CHORDC1: variants seen among roughly 807,000 people sequenced by gnomAD.
CHORDC1 encodes cysteine and histidine rich domain containing 1.
In CHORDC1, 25 loss-of-function variants were observed where a neutral mutation model predicts 48.3. The observed-to-expected ratio is 0.52, with a 90% CI of 0.38 to 0.72. The LOEUF (loss-of-function observed/expected upper bound fraction) is 0.72. CHORDC1 is among the 30% of genes least tolerant of loss of function. CHORDC1 has a pLI of 0.00. For synonymous variants in CHORDC1, 128 were observed against 126.4 expected (o/e 1.01, Z -0.09); for missense variants, 317 against 388.7 (o/e 0.82, Z 1.55).
At chr11:90,219,068 C>G (rs749432342) in intron 1 of CHORDC1, among the ~76,000 whole-genome samples, 1 of 151,938 alleles carries the variant, frequency 6.6e-6, no homozygotes, top group Non-Finnish European at 1.5e-5. Context: ...GAGTACGAGA[C>G]CAGCCTAACC....
At chr11:90,204,462 T>A (rs1857617419) in intron 8 of CHORDC1, among the ~76,000 whole-genome samples, 1 of 152,192 alleles carries the variant, frequency 6.6e-6, no homozygotes. Flanking sequence ...GGCTCACGCC[T>A]ATAATCCCAG....
Position 90,223,043 on chromosome 11 carries a change from G to A in CHORDC1, c.-89C>T, listed in dbSNP as rs1046739472. 3 of 1,137,858 alleles carry A rather than the reference G, an allele frequency of 2.6e-6. No individual in the cohort carries two copies. The highest frequency in any genetic ancestry group is 1.6e-5 in the African/African-American group (1 of 64,024). The allele number at this position is 1,137,858 out of a possible 1,614,324, so 70.5% of individuals were successfully genotyped here. A position where few individuals can be genotyped will look rare whatever the true frequency, so the allele number is the denominator to read the frequency against. On this transcript the variant is annotated 5_prime_UTR_variant, in exon 1 of 11. Coordinates refer to ENST00000320585, the MANE Select transcript of CHORDC1 (RefSeq NM_012124.3). The stretch of plus-strand genomic sequence containing the variant: ...ACTCCCGTGTCGCTAGCACCGGTCT[G>A]ACGACTGAGGCGGCTACCGGCTTCC...
At chr11:90,215,516 C>CTT (rs150851038) in intron 2 of CHORDC1, among the ~76,000 whole-genome samples, 1 of 150,562 alleles carries the variant, frequency 6.6e-6, no homozygotes, top group African/African-American at 2.4e-5. Context: ...ATCGTGTCTG[C>CTT]TTTTTTTTTA....
intron 6 of CHORDC1, chr11:90,206,924 T>C: frequency 2.4e-6 from 1 of 416,984 alleles, no homozygotes; most frequent in African/African-American, 2.1e-5. Flanking sequence ...AATTCTGTGT[T>C]TATCTTTTAT....
At chr11:90,217,398 G>T (rs1858041007) in intron 2 of CHORDC1, among the ~76,000 whole-genome samples, 1 of 152,048 alleles carries the variant, frequency 6.6e-6, no homozygotes, top group Non-Finnish European at 1.5e-5. Context: ...TTAAAAAGAT[G>T]ACCAGCAAAA....
Position 90,201,573 on chromosome 11 carries a change from AG to A in CHORDC1, c.*831del, listed in dbSNP as rs1857544660. 1 of 152,398 alleles carries A rather than the reference AG, an allele frequency of 6.6e-6. No homozygotes were observed. The highest frequency in any genetic ancestry group is 1.5e-5 in the Non-Finnish European group (1 of 67,864). The allele number at this position is 152,398 out of a possible 1,614,324, so 9.4% of individuals were successfully genotyped here. On this transcript the variant is annotated 3_prime_UTR_variant, in exon 11 of 11. Coordinates refer to ENST00000320585, the MANE Select transcript of CHORDC1 (RefSeq NM_012124.3). ...CTACAATTTTATATAGTTTTCCATC[AG>A]GGAGGCAAGATATATATAATTTCTT... is the stretch of plus-strand genomic sequence containing the variant.
intron 6 of CHORDC1, chr11:90,209,573 A>G (rs562224233): frequency 5.3e-5 from 8 of 152,320 alleles, no homozygotes; most frequent in African/African-American, 7.2e-5. Flanking sequence ...CAGAAGTAAA[A>G]TAAGTATACA....
At chr11:90,218,290 G>A (rs931886312) in intron 1 of CHORDC1, 106 bp from the exon 2 acceptor site, 1 of 737,778 alleles carries the variant, frequency 1.4e-6, no homozygotes, top group Admixed American at 3.7e-5. Flanking sequence ...TTTTCCAAAC[G>A]CAAGTACCTT....
chr11:90,216,195 A>G (rs1013190976), intron 2 of CHORDC1, among the ~76,000 whole-genome samples: 3 of 152,172 alleles, frequency 2.0e-5, no homozygotes, highest in African/African-American at 7.2e-5. Context: ...CTATAAGAGA[A>G]AAAGTTTTAC....
chr11:90,222,691 C>A (rs1204950734), intron 1 of CHORDC1, 200 bp downstream of exon 1: 1 of 701,694 alleles, frequency 1.4e-6, no homozygotes, highest in South Asian at 1.5e-5. Context: ...GCGCCGGGGC[C>A]GGGCGCTCGC....
rs1051625280 is a variant in CHORDC1 at position 90,201,556 on chromosome 11, T to G, written c.*849A>C. The G allele has an allele frequency of 6.6e-6, 1 of 152,358 alleles. No individual in the cohort carries two copies. Among genetic ancestry groups the G allele is most frequent in the Non-Finnish European group, 1.5e-5 (1 of 67,880 alleles). 9.4% of individuals were successfully genotyped at this position (152,358 alleles called of 1,614,324 possible). The stretch of plus-strand genomic sequence containing the variant: ...CCACAAACCTTTTAAGTCTACAATT[T>G]TATATAGTTTTCCATCAGGGAGGCA... On this transcript the variant is annotated 3_prime_UTR_variant, in exon 11 of 11. Transcript: ENST00000320585.
intron 4 of CHORDC1, chr11:90,213,505 T>C (rs1359382925): frequency 3.2e-6 from 2 of 629,262 alleles, no homozygotes; most frequent in Non-Finnish European, 2.9e-6. Flanking sequence ...TCTGTACAAC[T>C]CTATTGCACA....
At chr11:90,210,921 C>T (rs926209886) in intron 5 of CHORDC1, 5 of 309,256 alleles carry the variant, frequency 1.6e-5, no homozygotes, top group South Asian at 1.4e-4. Flanking sequence ...GTATAATGTA[C>T]AAGAAAACAT....
chr11:90,210,476 G>A, intron 6 of CHORDC1, 60 bp downstream of exon 6: 3 of 1,053,082 alleles, frequency 2.8e-6, no homozygotes, highest in Non-Finnish European at 4.4e-6. Context: ...TCAGCAAACT[G>A]CACTTTCCTC....
chr11:90,222,332 G>A (rs1181089189), intron 1 of CHORDC1, among the ~76,000 whole-genome samples: 2 of 152,202 alleles, frequency 1.3e-5, no homozygotes, highest in Middle Eastern at 3.2e-3. Context: ...TCAAAACAGC[G>A]TGAAGATACA....
At chr11:90,211,132 G>T in intron 5 of CHORDC1, 83 bp downstream of exon 5, 2 of 877,784 alleles carry the variant, frequency 2.3e-6, no homozygotes, top group Non-Finnish European at 3.6e-6. Context: ...CTATTTATAT[G>T]CAGTAAACTA....
rs1857851550 is a variant in CHORDC1 at position 90,211,207 on chromosome 11, A to T, written c.433+8T>A. 2 of 1,525,400 alleles carry T rather than the reference A, an allele frequency of 1.3e-6. No individual in the cohort carries two copies. Among genetic ancestry groups the T allele is most frequent in the Non-Finnish European group, 1.8e-6 (2 of 1,104,456 alleles). 94.5% of individuals were successfully genotyped at this position (1,525,400 alleles called of 1,614,324 possible). The stretch of plus-strand genomic sequence containing the variant: ...AATAATTAACAATAAAACAAAATAA[A>T]ATCTTACCTTTCTTATTTTCTTCAT... On this transcript the variant is annotated splice_region_variant and intron_variant, in intron 5 of 10. Transcript: ENST00000320585.
chr11:90,219,718 T>G (rs1442475426), intron 1 of CHORDC1, among the ~76,000 whole-genome samples: 1 of 152,248 alleles, frequency 6.6e-6, no homozygotes, highest in African/African-American at 2.4e-5. Context: ...CTCTCAGCTC[T>G]AAGGCTGTGA....
rs1858222313 is a variant in CHORDC1, at chr11:90,223,011, G to C, written c.-57C>G. On this transcript the variant is annotated 5_prime_UTR_variant, in exon 1 of 11. Transcript: ENST00000320585. The stretch of plus-strand genomic sequence containing the variant: ...AACACCGGGAACGGCAAGAGGATGC[G>C]TTTGCCACTCCCGTGTCGCTAGCAC... The C allele has an allele frequency of 1.4e-6, 2 of 1,441,168 alleles. No homozygotes were observed. Among genetic ancestry groups the C allele is most frequent in the African/African-American group, 1.4e-5 (1 of 71,184 alleles). The allele number at this position is 1,441,168 out of a possible 1,614,324, so 89.3% of individuals were successfully genotyped here.
Sources: gnomAD v4.1 joint callset for allele counts (sites outside exome capture counted in the v4.1 genomes callset) on GRCh38, gnomAD v4.1.1 for gene constraint, MANE v1.5 for transcripts, NCBI Gene and HGNC (gene_info 2026-07-23, HGNC 2026-07-21) for gene names.